The following FAM13A variants were observed in gnomAD, a reference collection of about 807,000 sequenced individuals.
FAM13A encodes family with sequence similarity 13 member A.
Under a neutral mutation model 129.6 loss-of-function variants are expected in FAM13A, and 76 were observed. The observed-to-expected ratio is 0.59, with a 90% confidence interval of 0.49 to 0.71. The LOEUF is 0.71. FAM13A is among the 30% of genes least tolerant of loss of function. FAM13A has a pLI of 0.00. For synonymous variants in FAM13A, 443 were observed against 449.9 expected (o/e 0.98, Z 0.20); for missense variants, 1,108 against 1,249.3 (o/e 0.89, Z 1.70).
At chr4:88,749,415 G>A (rs1742070251) in intron 16 of FAM13A, among the ~76,000 whole-genome samples, 1 of 151,824 alleles carries the variant, frequency 6.6e-6, no homozygotes, top group Non-Finnish European at 1.5e-5. Flanking sequence ...GTGGTACAGA[G>A]CTGACAGCAG....
intron 1 of FAM13A, among the ~76,000 whole-genome samples, chr4:89,033,691 C>T (rs950945629): frequency 2.0e-5 from 3 of 152,114 alleles, no homozygotes; most frequent in South Asian, 2.1e-4. Context: ...ATAAAGATGG[C>T]GTTCATCAAT....
At chr4:88,951,489 T>C (rs145215682) in intron 4 of FAM13A, among the ~76,000 whole-genome samples, 106 of 152,336 alleles carry the variant, frequency 7.0e-4, no homozygotes, top group Non-Finnish European at 1.4e-3. Flanking sequence ...TAAGTCTCAG[T>C]GTTCAGATTA....
chr4:88,876,159 G>C (rs777581819), intron 6 of FAM13A, among the ~76,000 whole-genome samples: 5 of 152,154 alleles, frequency 3.3e-5, no homozygotes, highest in Non-Finnish European at 5.9e-5. Context: ...GGGGCTGGGG[G>C]AGGGATAGCA....
chr4:88,747,806 C>G lies in FAM13A; in HGVS notation c.2207G>C (p.Arg736Pro), dbSNP rs768341035. The change falls in exon 18 of 24, where the codon CGG becomes CCG. Residue 736 changes from arginine to proline, a missense_variant. Physicochemically the swap from Arg to Pro is moderately radical, Grantham distance 103. Transcript: ENST00000264344. ...CTTGGGGAGTGTGTTGCTTCGCTGC[C>G]GCATCCTGGGAGTTAGGTCCTCTTC... ...ISEEDLTPRM[R>P]QRSNTLPKSF... 2 of 1,614,146 alleles carry G rather than the reference C, an allele frequency of 1.2e-6. No individual in the cohort carries two copies. Among genetic ancestry groups the G allele is most frequent in the East Asian group, 2.2e-5 (1 of 44,890 alleles).
chr4:88,854,139 A>T (rs1012493259), intron 6 of FAM13A, among the ~76,000 whole-genome samples: 28 of 152,166 alleles, frequency 1.8e-4, no homozygotes, highest in Non-Finnish European at 1.2e-4. Context: ...CATAATAAAC[A>T]TCTATCCTAT....
chr4:88,824,029 A>G (rs1169352918), intron 7 of FAM13A, among the ~76,000 whole-genome samples: 1 of 152,156 alleles, frequency 6.6e-6, no homozygotes. Context: ...GTAACACAAA[A>G]TCAGTTTTTC....
chr4:88,974,221 T>C (rs1760580948), intron 4 of FAM13A, among the ~76,000 whole-genome samples: 1 of 152,070 alleles, frequency 6.6e-6, no homozygotes, highest in East Asian at 1.9e-4. Flanking sequence ...CTTCCAGCAA[T>C]TTGTCAATTA....
intron 5 of FAM13A, among the ~76,000 whole-genome samples, chr4:88,929,568 G>C (rs1429133230): frequency 1.3e-5 from 2 of 151,734 alleles, no homozygotes; most frequent in Non-Finnish European, 2.9e-5. Context: ...TGTCTTGAAG[G>C]CTTTGTTCAT....
chr4:88,731,679 T>C, intron 22 of FAM13A: 1 of 526,734 alleles, frequency 1.9e-6, no homozygotes. Context: ...CCATGGCACT[T>C]TGTCATATTT....
intron 7 of FAM13A, among the ~76,000 whole-genome samples, chr4:88,850,283 G>T (rs1285088015): frequency 6.6e-6 from 1 of 152,076 alleles, no homozygotes; most frequent in Non-Finnish European, 1.5e-5. Flanking sequence ...GGCCGGGCGT[G>T]GTGGCTCATG....
chr4:88,852,330 T>C (rs1427698491), intron 6 of FAM13A, among the ~76,000 whole-genome samples: 2 of 151,898 alleles, frequency 1.3e-5, no homozygotes, highest in Non-Finnish European at 2.9e-5. Context: ...TCAGGGTAAT[T>C]TTTGTATTTT....
chr4:88,991,002 G>C lies in FAM13A; in HGVS notation c.576C>G (p.Leu192=). ...AGCAATTTGGCCCAAATACAGTGGC[G>C]AGATTGTGAACATTCATGCGATTCT... ...HVQNRMNVHN[L]ATVFGPNCFH... Residue 192 remains leucine, a synonymous_variant, in exon 4 of 24, where the codon CTC becomes CTG. Transcript: ENST00000264344. 3 of 1,614,058 alleles carry C rather than the reference G, an allele frequency of 1.9e-6. No individual in the cohort carries two copies. Among genetic ancestry groups the C allele is most frequent in the Non-Finnish European group, 2.5e-6 (3 of 1,179,958 alleles).
chr4:88,745,328 A>G (rs1311555864), intron 19 of FAM13A, among the ~76,000 whole-genome samples: 1 of 152,186 alleles, frequency 6.6e-6, no homozygotes, highest in Non-Finnish European at 1.5e-5. Flanking sequence ...TGGGTCTGCC[A>G]ATTCTACGTG....
intron 1 of FAM13A, among the ~76,000 whole-genome samples, chr4:89,055,811 A>T (rs1271822505): frequency 6.6e-6 from 1 of 152,194 alleles, no homozygotes; most frequent in East Asian, 1.9e-4. Flanking sequence ...ACAGAGTGAC[A>T]TACATGGTGC....
intron 5 of FAM13A, among the ~76,000 whole-genome samples, chr4:88,933,493 T>C (rs2148792411): frequency 6.6e-6 from 1 of 152,210 alleles, no homozygotes; most frequent in Non-Finnish European, 1.5e-5. Context: ...TCCCTCATGC[T>C]CATAAACCCA....
intron 8 of FAM13A, among the ~76,000 whole-genome samples, chr4:88,793,627 T>C (rs540051004): frequency 6.6e-6 from 1 of 152,048 alleles, no homozygotes; most frequent in East Asian, 1.9e-4. Flanking sequence ...GTTGGTTAGC[T>C]TGGCTGCATT....
chr4:88,935,351 C>A (rs1753679085), intron 5 of FAM13A, among the ~76,000 whole-genome samples: 1 of 152,186 alleles, frequency 6.6e-6, no homozygotes, highest in African/African-American at 2.4e-5. Flanking sequence ...GTTCTCCAAA[C>A]TGGGATATAC....
intron 5 of FAM13A, among the ~76,000 whole-genome samples, chr4:88,934,014 T>A (rs2148794990): frequency 6.6e-6 from 1 of 152,286 alleles, no homozygotes; most frequent in Admixed American, 6.5e-5. Flanking sequence ...GCCTCTCAAC[T>A]GCTCATCAGA....
At chr4:88,810,707 C>T (rs1386307802) in intron 7 of FAM13A, among the ~76,000 whole-genome samples, 2 of 152,152 alleles carry the variant, frequency 1.3e-5, no homozygotes, top group East Asian at 1.9e-4. Flanking sequence ...GGTTTCCAGG[C>T]CTGTATTCAA....
Sources: allele counts gnomAD v4.1 joint callset (sites outside exome capture counted in the v4.1 genomes callset), GRCh38; gene constraint gnomAD v4.1.1; transcripts MANE v1.5; gene names NCBI Gene and HGNC (gene_info 2026-07-23, HGNC 2026-07-21).